MCFD2: variants seen among roughly 807,000 people sequenced by gnomAD.
MCFD2 encodes multiple coagulation factor deficiency protein 2.
Under a neutral mutation model 12.8 loss-of-function variants are expected in MCFD2, and 11 were observed. That is an observed-to-expected ratio of 0.86 (90% CI 0.54 to 1.42). MCFD2 has a LOEUF of 1.42. MCFD2 is among the 40% of genes most tolerant of loss of function. The probability of loss-of-function intolerance (pLI) is 0.00; values close to 1 mark genes in which losing one functional copy is unlikely to be tolerated. For synonymous variants in MCFD2, 70 were observed against 68.1 expected, an observed-to-expected ratio of 1.03 and a Z score of -0.14; for missense variants, 191 against 178.6, an observed-to-expected ratio of 1.07 and a Z score of -0.40.
intron 1 of MCFD2, among the ~76,000 whole-genome samples, chr2:46,922,144 AAAC>A (rs1163843919): frequency 2.0e-5 from 3 of 152,102 alleles, no homozygotes; most frequent in African/African-American, 4.8e-5. Flanking sequence ...TAGGGTCATC[AAAC>A]AACAACTTTA....
Position 46,905,254 on chromosome 2 carries a change from T to C in MCFD2, c.*209A>G. The C allele has an allele frequency of 1.7e-6, 1 of 597,292 alleles. No individual in the cohort carries two copies. The highest frequency in any genetic ancestry group is 3.0e-6 in the Non-Finnish European group (1 of 329,022). The allele number at this position is 597,292 out of a possible 1,614,324, so 37.0% of individuals were successfully genotyped here. On this transcript the variant is annotated 3_prime_UTR_variant, in exon 4 of 4. Transcript: ENST00000319466. The stretch of plus-strand genomic sequence containing the variant: ...AAGCAAGCCCTTGTCCAATAAGGTA[T>C]TTAATAGCACTTAGGGACTATTAGA...
chr2:46,911,737 C>T (rs940848433), intron 1 of MCFD2, among the ~76,000 whole-genome samples: 8 of 151,290 alleles, frequency 5.3e-5, no homozygotes, highest in South Asian at 2.1e-4. Flanking sequence ...CTGGCTAACA[C>T]GGTGAAATCC....
At position 46,904,130 on chromosome 2, in the gene MCFD2, T is replaced by C. The variant is rs1363844184; in HGVS notation, c.*1333A>G. Reference sequence around the variant, plus strand: ...CCTGCAGGTGCACAGAAGTCAAGAATTGAGATTTGGAAACCTCCGCCTAGT... The same window carrying C: ...CCTGCAGGTGCACAGAAGTCAAGAACTGAGATTTGGAAACCTCCGCCTAGT... On this transcript the variant is annotated 3_prime_UTR_variant, in exon 4 of 4. Coordinates refer to ENST00000319466, the MANE Select transcript of MCFD2 (RefSeq NM_139279.6). 2 of 152,242 alleles carry C rather than the reference T, an allele frequency of 1.3e-5. No individual in the cohort carries two copies. Among genetic ancestry groups the C allele is most frequent in the South Asian group, 2.1e-4 (1 of 4,838 alleles). The allele number at this position is 152,242 out of a possible 1,614,324, so 9.4% of individuals were successfully genotyped here.
At position 46,909,246 on chromosome 2, in the gene MCFD2, T is replaced by C. The variant is rs1668382615; in HGVS notation, c.-6-69A>G. The C allele has an allele frequency of 2.6e-6, 4 of 1,531,316 alleles. No homozygotes were observed. The South Asian group carries it at 4.7e-5, about 18-fold the overall frequency. 94.9% of individuals were successfully genotyped at this position (1,531,316 alleles called of 1,614,324 possible). On this transcript the variant is annotated intron_variant, in intron 1 of 3. Transcript: ENST00000319466. ...CAAAGGTTTCGTTCAGGGCTTGACA[T>C]GGTATGATCCTGGGAAACCTGATGA...
At position 46,940,420 on chromosome 2, in the gene MCFD2, G is replaced by T. The variant is rs1255307433; in HGVS notation, c.-8+1152C>A. ...CAGCGGGGCCGGGCCCCTGTAAGAG[G>T]TCTCCCCCCAAGGGTGGACCTCGGC... On this transcript the variant is annotated intron_variant, in intron 1 of 2. Transcript: ENST00000409147. This position sits in a 1 kb window ranked among gnomAD's most constrained non-coding sequence, Gnocchi z 4.7. Among the ~76,000 whole-genome samples, 1 of 152,148 alleles carries T rather than the reference G, an allele frequency of 6.6e-6. No homozygotes were observed. The highest frequency in any genetic ancestry group is 1.5e-5 in the Non-Finnish European group (1 of 68,036).
At chr2:46,919,423 C>T (rs771162386), upstream of MCFD2, among the ~76,000 whole-genome samples, 58 of 152,166 alleles carry the variant, frequency 3.8e-4, 1 homozygote, top group Admixed American at 8.5e-4. Context: ...ATCCCAGATA[C>T]TCGGGAGGCT....
intron 1 of MCFD2, among the ~76,000 whole-genome samples, chr2:46,931,058 A>T (rs998568773): frequency 6.6e-6 from 1 of 152,244 alleles, no homozygotes; most frequent in Non-Finnish European, 1.5e-5. Context: ...CAAATCAAAC[A>T]ATATATAAAA....
chr2:46,934,179 C>G (rs923169281), intron 1 of MCFD2, among the ~76,000 whole-genome samples: 1 of 152,224 alleles, frequency 6.6e-6, no homozygotes, highest in Non-Finnish European at 1.5e-5. Flanking sequence ...TTGCAGGAAA[C>G]TCTTACCCAG....
intron 3 of MCFD2, chr2:46,905,917 G>A (rs1668209290): frequency 2.0e-6 from 1 of 489,262 alleles, no homozygotes; most frequent in African/African-American, 2.0e-5. Flanking sequence ...GTTTCATTAT[G>A]GCTCATTCTT....
Position 46,907,523 on chromosome 2 carries a change from T to C in MCFD2, c.309+287A>G, listed in dbSNP as rs961222257. 11 of 414,440 alleles carry C rather than the reference T, an allele frequency of 2.7e-5. No homozygotes were observed. Among genetic ancestry groups the C allele is most frequent in the African/African-American group, 8.2e-5 (4 of 49,034 alleles). 25.7% of individuals were successfully genotyped at this position (414,440 alleles called of 1,614,324 possible). A position where few individuals can be genotyped will look rare whatever the true frequency, so the allele number is the denominator to read the frequency against. On this transcript the variant is annotated intron_variant, in intron 3 of 3. Coordinates refer to ENST00000319466, the MANE Select transcript of MCFD2 (RefSeq NM_139279.6). The surrounding 1 kb of genome is among the most constrained non-coding windows in gnomAD (Gnocchi z 4.1). ...CCTTAGCCTCCTGAGTACGTAGAAC[T>C]ACGGGCATGCACTACCAGGCCTGGC...
chr2:46,919,348 G>T (rs1288717574), upstream of MCFD2, among the ~76,000 whole-genome samples: 1 of 152,114 alleles, frequency 6.6e-6, no homozygotes, highest in Non-Finnish European at 1.5e-5. Context: ...AGCCTGGCCA[G>T]CATGGTGAAA....
intron 1 of MCFD2, among the ~76,000 whole-genome samples, chr2:46,928,448 G>A (rs1210375137): frequency 7.1e-6 from 1 of 141,180 alleles, no homozygotes; most frequent in Admixed American, 7.2e-5. Flanking sequence ...TCAGGTGGTG[G>A]AAAGGGAAAT....
Position 46,902,894 on chromosome 2 carries a change from G to A in MCFD2, c.*2569C>T, listed in dbSNP as rs1211289575. ...AAGCATCCACTTGGCAAAGCCTGTT[G>A]TTTTACTTTTCAGGTGATGTGAATT... On this transcript the variant is annotated 3_prime_UTR_variant, in exon 4 of 4. Transcript: ENST00000319466. 2.0e-5 allele frequency: 3 copies of A among 152,304 alleles called. No homozygotes were observed. The highest frequency in any genetic ancestry group is 4.4e-5 in the Non-Finnish European group (3 of 68,008). The allele number at this position is 152,304 out of a possible 1,614,324, so 9.4% of individuals were successfully genotyped here.
chr2:46,928,952 G>T (rs140724756), intron 1 of MCFD2, among the ~76,000 whole-genome samples: 125 of 152,124 alleles, frequency 8.2e-4, no homozygotes, highest in African/African-American at 2.9e-3. Flanking sequence ...TACTTGAGGT[G>T]AGGATTTTGA....
rs781595092 is a variant in MCFD2, at chr2:46,909,182, G to A, written c.-6-5C>T. The A allele has an allele frequency of 1.9e-6, 3 of 1,612,694 alleles. No homozygotes were observed. The highest frequency in any genetic ancestry group is 1.3e-5 in the African/African-American group (1 of 75,024). Reference sequence around the variant, plus strand: ...GGATCTCATGGTCATCAATATCTGTGAGATGGGAAACACAGAAGAGGAAGG... The same window carrying A: ...GGATCTCATGGTCATCAATATCTGTAAGATGGGAAACACAGAAGAGGAAGG... On this transcript the variant is annotated splice_polypyrimidine_tract_variant and splice_region_variant and intron_variant, in intron 1 of 3. Transcript: ENST00000319466.
At chr2:46,936,569 G>T (rs1013058922) in intron 1 of MCFD2, among the ~76,000 whole-genome samples, 1 of 152,152 alleles carries the variant, frequency 6.6e-6, no homozygotes, top group South Asian at 2.1e-4. Flanking sequence ...CTCACCATTC[G>T]CAGACTCTCA....
upstream of MCFD2, among the ~76,000 whole-genome samples, chr2:46,917,500 C>T (rs1668872760): frequency 6.6e-6 from 1 of 152,178 alleles, no homozygotes; most frequent in Non-Finnish European, 1.5e-5. Context: ...ATGTACTAGG[C>T]GCTCTACTAG....
In MCFD2 at chr2:46,907,172, C is replaced by G. The variant is rs572157250; in HGVS notation, c.309+638G>C. 1 of 157,868 alleles carries G rather than the reference C, an allele frequency of 6.3e-6. No individual in the cohort carries two copies. The highest frequency in any genetic ancestry group is 1.9e-4 in the South Asian group (1 of 5,262). The allele number at this position is 157,868 out of a possible 1,614,324, so 9.8% of individuals were successfully genotyped here. ...TTGGTGTCAATTCACCATTAAACAACTTCTCCCTTGCTCTGCAGTTTGAAT... is the reference window on the plus strand; with the variant it reads ...TTGGTGTCAATTCACCATTAAACAAGTTCTCCCTTGCTCTGCAGTTTGAAT... On this transcript the variant is annotated intron_variant, in intron 3 of 3. Coordinates refer to ENST00000319466, the MANE Select transcript of MCFD2 (RefSeq NM_139279.6). The surrounding 1 kb of genome is among the most constrained non-coding windows in gnomAD (Gnocchi z 4.1).
chr2:46,914,801 A>G (rs1050042331), intron 1 of MCFD2, among the ~76,000 whole-genome samples: 2 of 152,238 alleles, frequency 1.3e-5, no homozygotes, highest in Non-Finnish European at 2.9e-5. Flanking sequence ...GACATAGCGA[A>G]CATACTGAAG....
Sources: allele counts gnomAD v4.1 joint callset (sites outside exome capture counted in the v4.1 genomes callset), GRCh38; gene constraint gnomAD v4.1.1; non-coding constraint Gnocchi (gnomAD v3.1); transcripts MANE v1.5; gene names NCBI Gene and HGNC (gene_info 2026-07-23, HGNC 2026-07-21).